GHR: variants seen among roughly 807,000 people sequenced by gnomAD.
GHR encodes growth hormone receptor, also known as GH receptor.
In GHR, 35 loss-of-function variants were observed where a neutral mutation model predicts 67.1. The ratio of observed to expected loss-of-function variants is 0.52; its 90% CI spans 0.40 to 0.69. The LOEUF (loss-of-function observed/expected upper bound fraction) is 0.69. Ranked by LOEUF, GHR falls within the 30% of genes least tolerant of loss-of-function variation. GHR has a pLI of 0.00. For missense variants in GHR, 792 were observed against 764.6 expected (o/e 1.04, Z -0.42); for synonymous variants, 272 against 269.1 (o/e 1.01, Z -0.10).
chr5:42,552,297 A>G (rs1349006377), intron 1 of GHR, among the ~76,000 whole-genome samples: 3 of 151,842 alleles, frequency 2.0e-5, no homozygotes, highest in Non-Finnish European at 4.4e-5. Flanking sequence ...CTTCCACACC[A>G]TTTTTTCCTC....
intron 3 of GHR, among the ~76,000 whole-genome samples, chr5:42,653,829 T>A (rs1755123651): frequency 6.6e-6 from 1 of 152,158 alleles, no homozygotes; most frequent in African/African-American, 2.4e-5. Flanking sequence ...TAAAATTTCC[T>A]CTAAGATACG....
At chr5:42,447,002 G>A (rs1743832509) in intron 1 of GHR, among the ~76,000 whole-genome samples, 1 of 152,170 alleles carries the variant, frequency 6.6e-6, no homozygotes, top group Admixed American at 6.6e-5. Flanking sequence ...GAATAGAGTT[G>A]TATTTTCCTT....
intron 1 of GHR, among the ~76,000 whole-genome samples, chr5:42,485,742 GT>G (rs1197638752): frequency 6.6e-6 from 1 of 152,200 alleles, no homozygotes; most frequent in Non-Finnish European, 1.5e-5. Context: ...TCAGAATGCA[GT>G]TTTACATAGA....
chr5:42,616,344 A>G (rs1753146722), intron 2 of GHR, among the ~76,000 whole-genome samples: 1 of 152,110 alleles, frequency 6.6e-6, no homozygotes. Context: ...GATGGAACTG[A>G]AAGAACTTGT....
intron 1 of GHR, among the ~76,000 whole-genome samples, chr5:42,437,647 A>G (rs1490175806): frequency 1.3e-5 from 2 of 151,866 alleles, no homozygotes; most frequent in African/African-American, 4.8e-5. Context: ...TCCCAGGTTC[A>G]AGCGATTCTC....
chr5:42,609,331 A>T (rs948068174), intron 2 of GHR, among the ~76,000 whole-genome samples: 1 of 152,192 alleles, frequency 6.6e-6, no homozygotes, highest in Admixed American at 6.5e-5. Context: ...GGGCAATGTC[A>T]TCTGTAATGG....
chr5:42,470,480 G>A (rs758670609), intron 1 of GHR, among the ~76,000 whole-genome samples: 3 of 151,992 alleles, frequency 2.0e-5, no homozygotes, highest in Non-Finnish European at 4.4e-5. Context: ...GCAGAATCTT[G>A]GGTTATCATT....
intron 2 of GHR, among the ~76,000 whole-genome samples, chr5:42,582,672 A>T (rs112137284): frequency 0.015 from 2,252 of 152,316 alleles, 22 homozygotes; most frequent in Middle Eastern, 0.037. Flanking sequence ...ACAAGAACAG[A>T]AGAGCTACAG....
At chr5:42,682,046 A>G (rs1164404171) in intron 3 of GHR, among the ~76,000 whole-genome samples, 1 of 152,172 alleles carries the variant, frequency 6.6e-6, no homozygotes, top group Non-Finnish European at 1.5e-5. Context: ...TAGACTGGAT[A>G]AAGAAAGTGT....
chr5:42,706,082 C>T (rs1758162267), intron 6 of GHR, among the ~76,000 whole-genome samples: 1 of 152,156 alleles, frequency 6.6e-6, no homozygotes. Flanking sequence ...TTGATAATAG[C>T]CTTTCTGACT....
At chr5:42,609,774 A>G (rs1193588552) in intron 2 of GHR, among the ~76,000 whole-genome samples, 1 of 152,132 alleles carries the variant, frequency 6.6e-6, no homozygotes. Context: ...CTTAATATTA[A>G]TCTTGAAAAA....
rs758680105 is a variant in GHR at position 42,629,197 on chromosome 5, T to C, written c.136+94T>C. The C allele has an allele frequency of 3.0e-5, 22 of 741,418 alleles. 3 individuals carry two copies. Among genetic ancestry groups the C allele is most frequent in the Non-Finnish European group, 4.4e-5 (19 of 428,640 alleles). 45.9% of individuals were successfully genotyped at this position (741,418 alleles called of 1,614,324 possible). ...CCTTTCTCTATTTTATTTGGGATGG[T>C]AGTAACTGGAATAGTGACTGAGTTG... On this transcript the variant is annotated intron_variant, in intron 3 of 9. Transcript: ENST00000230882.
At chr5:42,548,104 C>G in intron 1 of GHR, 1 of 985,386 alleles carries the variant, frequency 1.0e-6, no homozygotes, top group Non-Finnish European at 1.2e-6. Flanking sequence ...CCAGCCTAGG[C>G]CTGGCCTTCA....
intron 6 of GHR, among the ~76,000 whole-genome samples, chr5:42,709,079 G>A (rs1758323655): frequency 6.6e-6 from 1 of 152,158 alleles, no homozygotes; most frequent in Non-Finnish European, 1.5e-5. Flanking sequence ...CCTAGTGTGT[G>A]TCGCTTGCAT....
intron 3 of GHR, chr5:42,647,760 G>A (rs1009182046): frequency 2.4e-6 from 1 of 419,990 alleles, no homozygotes; most frequent in African/African-American, 2.1e-5. Flanking sequence ...CTGTAGCTTG[G>A]TTTTTCCACT....
At chr5:42,625,612 A>G in intron 2 of GHR, among the ~76,000 whole-genome samples, 1 of 152,166 alleles carries the variant, frequency 6.6e-6, no homozygotes, top group East Asian at 1.9e-4. Flanking sequence ...TTTAAGAAAT[A>G]CGTTGATTTG....
chr5:42,699,090 A>G (rs1397301379), intron 5 of GHR, among the ~76,000 whole-genome samples: 1 of 152,246 alleles, frequency 6.6e-6, no homozygotes, highest in Non-Finnish European at 1.5e-5. Context: ...TGAGACTAGC[A>G]TAATGCTTTC....
intron 1 of GHR, chr5:42,468,721 G>T: frequency 1.0e-6 from 1 of 986,788 alleles, no homozygotes. Flanking sequence ...GCCGCTCTTG[G>T]CCCCAGAGAC....
chr5:42,679,366 C>T (rs1221232496), intron 3 of GHR, among the ~76,000 whole-genome samples: 2 of 151,676 alleles, frequency 1.3e-5, no homozygotes, highest in Non-Finnish European at 2.9e-5. Context: ...GTGGCTCACA[C>T]CTGTAATCCC....
Sources: gnomAD v4.1 joint callset for allele counts (sites outside exome capture counted in the v4.1 genomes callset) on GRCh38, gnomAD v4.1.1 for gene constraint, MANE v1.5 for transcripts, NCBI Gene and HGNC (gene_info 2026-07-23, HGNC 2026-07-21) for gene names.